Variants in GCSAML observed in about 807,000 individuals in gnomAD.
GCSAML encodes the protein germinal center-associated signaling and motility-like protein.
Under a neutral mutation model 13.0 loss-of-function variants are expected in GCSAML, and 9 were observed. The ratio of observed to expected loss-of-function variants is 0.69; its 90% CI spans 0.42 to 1.21. The LOEUF is 1.21. GCSAML is among the 50% of genes most tolerant of loss of function. The probability of loss-of-function intolerance (pLI) is 0.00; values close to 1 mark genes in which losing one functional copy is unlikely to be tolerated. For synonymous variants in GCSAML, 37 were observed against 52.9 expected, an observed-to-expected ratio of 0.70 and a Z score of 1.31; for missense variants, 143 against 153.4, an observed-to-expected ratio of 0.93 and a Z score of 0.36.
At chr1:247,519,683 A>G (rs905612728) in intron 1 of GCSAML, among the ~76,000 whole-genome samples, 2 of 152,248 alleles carry the variant, frequency 1.3e-5, no homozygotes, top group African/African-American at 4.8e-5. Flanking sequence ...GTAGTGAGTC[A>G]GTTGTGTATA....
At chr1:247,531,602 G>T (rs769488555) in intron 2 of GCSAML, 11 of 1,614,020 alleles carry the variant, frequency 6.8e-6, no homozygotes, top group African/African-American at 1.3e-5. Flanking sequence ...AATACCATGT[G>T]CCGGAGGGCG....
intron 1 of GCSAML, among the ~76,000 whole-genome samples, chr1:247,519,602 A>T (rs1666344268): frequency 1.3e-5 from 2 of 152,258 alleles, no homozygotes; most frequent in African/African-American, 4.8e-5. Flanking sequence ...CATCAATTTA[A>T]GTGCGGCAAA....
At chr1:247,546,244 C>T (rs1667564587), upstream of GCSAML, among the ~76,000 whole-genome samples, 1 of 152,208 alleles carries the variant, frequency 6.6e-6, no homozygotes, top group African/African-American at 2.4e-5. Context: ...ATGATCATTG[C>T]ACACTACAGC....
At chr1:247,548,513 A>G (rs1311534536), upstream of GCSAML, among the ~76,000 whole-genome samples, 1 of 151,886 alleles carries the variant, frequency 6.6e-6, no homozygotes, top group Non-Finnish European at 1.5e-5. This position sits in a 1 kb window ranked among gnomAD's most constrained non-coding sequence, Gnocchi z 5.3. Flanking sequence ...TTTCTTTCCC[A>G]TCTTGTCTTT....
chr1:247,566,950 A>G (rs764961954), intron 4 of GCSAML, among the ~76,000 whole-genome samples: 1 of 151,850 alleles, frequency 6.6e-6, no homozygotes, highest in Non-Finnish European at 1.5e-5. Flanking sequence ...TGTGTGAACG[A>G]AAGTATAGAA....
intron 1 of GCSAML, among the ~76,000 whole-genome samples, chr1:247,521,650 G>T (rs1463432372): frequency 6.6e-6 from 1 of 152,238 alleles, no homozygotes; most frequent in African/African-American, 2.4e-5. Flanking sequence ...CTGAGGTGCT[G>T]GGATTGCAGA....
chr1:247,524,250 C>T (rs1174681028), intron 1 of GCSAML, among the ~76,000 whole-genome samples: 2 of 152,122 alleles, frequency 1.3e-5, no homozygotes, highest in Non-Finnish European at 2.9e-5. Flanking sequence ...TCTCTCAGAC[C>T]TCACTTCCCA....
chr1:247,508,454 G>C (rs1302171487), intron 1 of GCSAML, among the ~76,000 whole-genome samples: 2 of 152,094 alleles, frequency 1.3e-5, no homozygotes, highest in Admixed American at 1.3e-4. Flanking sequence ...CTGCCATTCT[G>C]TAGGTTGCCT....
intron 2 of GCSAML, among the ~76,000 whole-genome samples, chr1:247,560,794 G>A (rs940260108): frequency 2.0e-5 from 3 of 152,066 alleles, no homozygotes; most frequent in Non-Finnish European, 4.4e-5. Context: ...CTCTTTTAGC[G>A]AATTTCAAGC....
At chr1:247,571,681 G>A (rs1412470870) in intron 4 of GCSAML, among the ~76,000 whole-genome samples, 2 of 152,050 alleles carry the variant, frequency 1.3e-5, no homozygotes, top group African/African-American at 4.8e-5. Context: ...ATGTGTCTTG[G>A]GGTTGCTCTT....
At chr1:247,516,545 T>C (rs551494040) in intron 1 of GCSAML, among the ~76,000 whole-genome samples, 150 of 139,258 alleles carry the variant, frequency 1.1e-3, no homozygotes, top group African/African-American at 3.7e-3. Flanking sequence ...ACAACTTTCA[T>C]GTTGACTGTT....
intron 2 of GCSAML, among the ~76,000 whole-genome samples, chr1:247,537,665 A>C (rs1350869048): frequency 6.6e-6 from 1 of 151,974 alleles, no homozygotes; most frequent in African/African-American, 2.4e-5. Context: ...CACTTTTTAC[A>C]ATCTTTTTTT....
At chr1:247,540,276 C>A (rs747085961) in intron 2 of GCSAML, among the ~76,000 whole-genome samples, 1 of 152,238 alleles carries the variant, frequency 6.6e-6, no homozygotes, top group Admixed American at 6.5e-5. Context: ...CATCATCCAC[C>A]TGCCTAAGCC....
At chr1:247,570,370 T>G (rs1286414229) in intron 4 of GCSAML, among the ~76,000 whole-genome samples, 2 of 152,220 alleles carry the variant, frequency 1.3e-5, no homozygotes, top group Non-Finnish European at 2.9e-5. Context: ...CTCTAAACAC[T>G]GCTTTAGCTG....
chr1:247,541,820 C>T (rs1667422476), intron 2 of GCSAML, among the ~76,000 whole-genome samples: 1 of 151,688 alleles, frequency 6.6e-6, no homozygotes, highest in South Asian at 2.1e-4. Flanking sequence ...GACTAGCCTG[C>T]CCAACATGGT....
At chr1:247,513,625 G>A (rs530349995) in intron 1 of GCSAML, among the ~76,000 whole-genome samples, 1 of 152,312 alleles carries the variant, frequency 6.6e-6, no homozygotes, top group East Asian at 1.9e-4. Flanking sequence ...TGAAACCCAG[G>A]GCACTGGTGG....
intron 4 of GCSAML, among the ~76,000 whole-genome samples, chr1:247,571,331 G>A (rs1384050734): frequency 6.6e-6 from 1 of 152,122 alleles, no homozygotes; most frequent in Non-Finnish European, 1.5e-5. Flanking sequence ...TTTGCAGTGG[G>A]TGGTACTGGT....
At chr1:247,523,691 G>C (rs1659364170) in intron 1 of GCSAML, among the ~76,000 whole-genome samples, 1 of 152,100 alleles carries the variant, frequency 6.6e-6, no homozygotes, top group Non-Finnish European at 1.5e-5. Flanking sequence ...ACTTTAACTT[G>C]GTAGAGCAGA....
chr1:247,550,519 C>T (rs1230946707), intron 1 of GCSAML, among the ~76,000 whole-genome samples: 4 of 152,126 alleles, frequency 2.6e-5, no homozygotes, highest in African/African-American at 9.7e-5. Context: ...CACCTGTAAT[C>T]CCAGCTACTC....
Sources: gnomAD v4.1 joint callset for allele counts (sites outside exome capture counted in the v4.1 genomes callset) on GRCh38, gnomAD v4.1.1 for gene constraint, Gnocchi (gnomAD v3.1) non-coding constraint, MANE v1.5 for transcripts, NCBI Gene and HGNC (gene_info 2026-07-23, HGNC 2026-07-21) for gene names.